KCNIP4: variants seen among roughly 807,000 people sequenced by gnomAD.
KCNIP4 encodes the protein potassium voltage-gated channel interacting protein 4, also known as Kv channel-interacting protein 4.
Under a neutral mutation model 34.0 loss-of-function variants are expected in KCNIP4, and 12 were observed. That is an observed-to-expected ratio of 0.35 (90% CI 0.23 to 0.57). KCNIP4 has a LOEUF of 0.57. Ranked by LOEUF, KCNIP4 falls within the 20% of genes least tolerant of loss-of-function variation. The pLI, the probability that KCNIP4 is intolerant of heterozygous loss-of-function variation, is 0.83. For missense variants in KCNIP4, 238 were observed against 311.7 expected, an observed-to-expected ratio of 0.76 and a Z score of 1.78; for synonymous variants, 124 against 102.2, an observed-to-expected ratio of 1.21 and a Z score of -1.29.
At chr4:21,324,318 T>C (rs1231843697) in intron 1 of KCNIP4, among the ~76,000 whole-genome samples, 1 of 152,080 alleles carries the variant, frequency 6.6e-6, no homozygotes, top group East Asian at 1.9e-4. Flanking sequence ...AAGAAATCTT[T>C]GCCTATTCTA....
intron 1 of KCNIP4, among the ~76,000 whole-genome samples, chr4:21,385,477 C>A (rs1302496532): frequency 8.5e-5 from 13 of 152,178 alleles, no homozygotes; most frequent in Admixed American, 8.5e-4. Context: ...TTTGAATCCT[C>A]TGTCTCTTCC....
intron 1 of KCNIP4, among the ~76,000 whole-genome samples, chr4:21,116,510 G>A (rs1166149003): frequency 3.3e-5 from 5 of 152,114 alleles, no homozygotes; most frequent in Non-Finnish European, 7.3e-5. Context: ...AAGGCATCAC[G>A]CTTTCCTCTG....
intron 1 of KCNIP4, among the ~76,000 whole-genome samples, chr4:21,670,262 G>T (rs202137335): frequency 2.6e-5 from 4 of 151,922 alleles, no homozygotes; most frequent in Admixed American, 6.6e-5. Context: ...TGAGTTCATG[G>T]CCTTTGTAGG....
intron 1 of KCNIP4, among the ~76,000 whole-genome samples, chr4:21,620,075 G>T (rs1429235021): frequency 6.6e-6 from 1 of 152,188 alleles, no homozygotes; most frequent in Non-Finnish European, 1.5e-5. Flanking sequence ...TAGGCCCAAG[G>T]GGCAGCATGA....
chr4:21,647,528 T>A (rs1747114368), intron 1 of KCNIP4, among the ~76,000 whole-genome samples: 1 of 152,138 alleles, frequency 6.6e-6, no homozygotes, highest in Non-Finnish European at 1.5e-5. Flanking sequence ...CTCCTACAGA[T>A]TATTATTAAG....
chr4:20,733,785 C>G (rs6831295), intron 6 of KCNIP4, among the ~76,000 whole-genome samples: 49,342 of 151,996 alleles, frequency 0.32, 8,530 homozygotes, highest in African/African-American at 0.43. Context: ...AATTTGGCAC[C>G]CACTAGTGAT....
intron 1 of KCNIP4, among the ~76,000 whole-genome samples, chr4:21,070,351 G>A (rs547510749): frequency 2.0e-5 from 3 of 152,222 alleles, no homozygotes; most frequent in African/African-American, 4.8e-5. Flanking sequence ...AATGCACAGA[G>A]TACAGTTGCT....
chr4:21,057,166 A>G (rs774621468), intron 1 of KCNIP4, among the ~76,000 whole-genome samples: 54 of 152,116 alleles, frequency 3.5e-4, no homozygotes, highest in Non-Finnish European at 6.6e-4. Context: ...ACCACTGAGT[A>G]TCTATGTGGG....
chr4:20,817,526 T>TC (rs1453792679), intron 3 of KCNIP4, among the ~76,000 whole-genome samples: 27 of 152,086 alleles, frequency 1.8e-4, no homozygotes, highest in Admixed American at 1.8e-3. Context: ...AATATCACCT[T>TC]CCCCCTTTTC....
At chr4:21,415,965 G>A (rs1406048442) in intron 1 of KCNIP4, among the ~76,000 whole-genome samples, 1 of 152,138 alleles carries the variant, frequency 6.6e-6, no homozygotes, top group Non-Finnish European at 1.5e-5. Context: ...TCCGACGTAG[G>A]CATTTTAATC....
chr4:21,016,259 AC>A (rs1382249521), intron 1 of KCNIP4, among the ~76,000 whole-genome samples: 2 of 150,120 alleles, frequency 1.3e-5, no homozygotes, highest in Non-Finnish European at 3.0e-5. Flanking sequence ...TAAGCATGGT[AC>A]CTGGCATGCT....
At chr4:20,741,351 C>A (rs1242453266) in intron 5 of KCNIP4, among the ~76,000 whole-genome samples, 1 of 152,168 alleles carries the variant, frequency 6.6e-6, no homozygotes, top group Non-Finnish European at 1.5e-5. Context: ...TGTAAAAGAA[C>A]AGAAATTATA....
intron 1 of KCNIP4, among the ~76,000 whole-genome samples, chr4:21,266,855 T>C (rs1761844069): frequency 6.6e-6 from 1 of 152,164 alleles, no homozygotes; most frequent in Non-Finnish European, 1.5e-5. Context: ...AATTTGGCTA[T>C]AGTGAGGAAG....
At position 21,694,921 on chromosome 4, in the gene KCNIP4, AAAAAAAAAAT is replaced by A. The variant is rs1560636961; in HGVS notation, c.61+253640_61+253649del. The stretch of plus-strand genomic sequence containing the variant: ...TCAGATAACACGATTGACCAAAAAA[AAAAAAAAAAT>A]AAAAATAAATAAATAAATAAAGGGC... On this transcript the variant is annotated intron_variant, in intron 1 of 8. Transcript: ENST00000382152. Among the ~76,000 whole-genome samples the A allele has an allele frequency of 7.1e-3, 679 of 96,086 alleles. 31 individuals are homozygous for A. Among genetic ancestry groups the A allele is most frequent in the African/African-American group, 0.025 (652 of 26,494 alleles). The allele number at this position is 96,086 out of a possible 152,430, so 63.0% of individuals were successfully genotyped here. A position where few individuals can be genotyped will look rare whatever the true frequency, so the allele number is the denominator to read the frequency against.
At chr4:20,783,563 G>A (rs1250706211) in intron 3 of KCNIP4, among the ~76,000 whole-genome samples, 1 of 152,140 alleles carries the variant, frequency 6.6e-6, no homozygotes, top group Non-Finnish European at 1.5e-5. Context: ...TCACTACCAT[G>A]AGAACTATAT....
At chr4:21,093,818 G>A (rs532729856) in intron 1 of KCNIP4, among the ~76,000 whole-genome samples, 3 of 152,230 alleles carry the variant, frequency 2.0e-5, no homozygotes, top group South Asian at 4.1e-4. Flanking sequence ...CACGTTGGCT[G>A]ACGCCTGTAA....
intron 1 of KCNIP4, among the ~76,000 whole-genome samples, chr4:21,006,952 T>A (rs1171987209): frequency 2.0e-5 from 3 of 152,182 alleles, no homozygotes; most frequent in Non-Finnish European, 4.4e-5. Flanking sequence ...TGAGGACAAA[T>A]GTCACTGAAA....
At chr4:21,724,211 C>G (rs1439036321) in intron 1 of KCNIP4, among the ~76,000 whole-genome samples, 1 of 151,868 alleles carries the variant, frequency 6.6e-6, no homozygotes, top group East Asian at 1.9e-4. Context: ...TAAGAAAGAT[C>G]CCTGAGAGCC....
intron 1 of KCNIP4, among the ~76,000 whole-genome samples, chr4:21,888,345 G>A (rs1007920204): frequency 1.3e-5 from 2 of 152,112 alleles, no homozygotes; most frequent in Non-Finnish European, 2.9e-5. Context: ...TGCAAAGTGT[G>A]TTGGATAATG....
Sources: gnomAD v4.1 joint callset for allele counts (sites outside exome capture counted in the v4.1 genomes callset) on GRCh38, gnomAD v4.1.1 for gene constraint, MANE v1.5 for transcripts, NCBI Gene and HGNC (gene_info 2026-07-23, HGNC 2026-07-21) for gene names.